Variants in LARS2 observed in about 807,000 individuals in gnomAD.
LARS2 encodes leucine--tRNA ligase, mitochondrial.
LARS2 carries 81 observed loss-of-function variants against 116.6 expected under a neutral mutation model. The observed-to-expected ratio is 0.69, with a 90% confidence interval of 0.58 to 0.84. The LOEUF (loss-of-function observed/expected upper bound fraction) is 0.84. LARS2 is among the 40% of genes least tolerant of loss of function. The pLI is 0.00. For synonymous variants in LARS2, 396 were observed against 407.2 expected (o/e 0.97, Z 0.33); for missense variants, 968 against 1,114.5 (o/e 0.87, Z 1.87).
intron 19 of LARS2, among the ~76,000 whole-genome samples, chr3:45,521,713 CCT>C (rs759675989): frequency 2.6e-4 from 39 of 152,082 alleles, no homozygotes; most frequent in South Asian, 6.3e-4. Context: ...AAAAAGTCTG[CCT>C]CTCTAATTAT....
chr3:45,500,108 T>TCTCCTG (rs1391519231), intron 14 of LARS2, among the ~76,000 whole-genome samples: 1 of 152,158 alleles, frequency 6.6e-6, no homozygotes, highest in Non-Finnish European at 1.5e-5. Context: ...TTCAAGTGGT[T>TCTCCTG]CTCCTGCCTC....
chr3:45,540,712 C>T (rs1230878235), intron 20 of LARS2, among the ~76,000 whole-genome samples: 1 of 152,118 alleles, frequency 6.6e-6, no homozygotes, highest in East Asian at 1.9e-4. Context: ...CTCTTATACT[C>T]ATGAAATCAA....
Position 45,547,758 on chromosome 3 carries a change from T to A in LARS2, c.*228T>A, listed in dbSNP as rs1029143001. The A allele has an allele frequency of 1.8e-5, 8 of 447,382 alleles. No individual in the cohort carries two copies. Among genetic ancestry groups the A allele is most frequent in the African/African-American group, 1.6e-4 (8 of 48,966 alleles). The allele number at this position is 447,382 out of a possible 1,614,324, so 27.7% of individuals were successfully genotyped here. Reference sequence around the variant, plus strand: ...GAAATATGAGCTACTGAGGAGGGGGTTGGACATCCTGCCCCTCACCCCCCA... The same window carrying A: ...GAAATATGAGCTACTGAGGAGGGGGATGGACATCCTGCCCCTCACCCCCCA... On this transcript the variant is annotated 3_prime_UTR_variant, in exon 22 of 22. Transcript: ENST00000645846.
At chr3:45,545,288 G>A (rs1189241403) in intron 21 of LARS2, among the ~76,000 whole-genome samples, 5 of 152,232 alleles carry the variant, frequency 3.3e-5, no homozygotes, top group African/African-American at 4.8e-5. Context: ...TGATGGATTC[G>A]AGTGGGAGGA....
chr3:45,515,119 C>A (rs141381030), intron 16 of LARS2, among the ~76,000 whole-genome samples: 88 of 152,254 alleles, frequency 5.8e-4, no homozygotes, highest in African/African-American at 2.0e-3. Flanking sequence ...CCACCCAAAC[C>A]CAGTTGCAGA....
chr3:45,472,068 T>C (rs142868162), intron 8 of LARS2, among the ~76,000 whole-genome samples: 1 of 152,324 alleles, frequency 6.6e-6, no homozygotes, highest in African/African-American at 2.4e-5. Context: ...CAAGGAGGAA[T>C]TGATTAGAAG....
intron 10 of LARS2, among the ~76,000 whole-genome samples, chr3:45,484,243 C>A (rs542769231): frequency 2.0e-4 from 31 of 151,922 alleles, no homozygotes; most frequent in African/African-American, 7.5e-4. Flanking sequence ...TACATGAAAT[C>A]TTAAAACATG....
At chr3:45,470,321 T>A (rs1699499440) in intron 8 of LARS2, among the ~76,000 whole-genome samples, 1 of 152,210 alleles carries the variant, frequency 6.6e-6, no homozygotes, top group Non-Finnish European at 1.5e-5. Flanking sequence ...CCCAGCTTTT[T>A]AGTTTTAATG....
Position 45,544,071 on chromosome 3 carries a change from T to G in LARS2, c.2532+2115T>G, listed in dbSNP as rs920142159. On this transcript the variant is annotated intron_variant, in intron 21 of 21. Transcript: ENST00000645846. ...CAGCACCGTGCCAGCAGCAAGGACT[T>G]CTGTGAAGGCCTGGGTTCTCGCTCC... 1.6e-3 allele frequency among the ~76,000 whole-genome samples: 251 copies of G among 152,322 alleles called. 2 individuals carry two copies. Among genetic ancestry groups the G allele is most frequent in the Non-Finnish European group, 3.4e-4 (23 of 68,014 alleles).
chr3:45,400,116 G>A, intron 3 of LARS2, 129 bp from the exon 4 acceptor site: 2 of 872,022 alleles, frequency 2.3e-6, no homozygotes, highest in South Asian at 4.1e-5. Flanking sequence ...TACATTCTGG[G>A]AACACTCTTT....
chr3:45,471,592 A>G (rs1699526376), intron 8 of LARS2, among the ~76,000 whole-genome samples: 1 of 152,222 alleles, frequency 6.6e-6, no homozygotes. Context: ...GAATGGACGT[A>G]AAGTGCTATC....
At chr3:45,465,641 C>A (rs1003687991) in intron 8 of LARS2, among the ~76,000 whole-genome samples, 1 of 152,224 alleles carries the variant, frequency 6.6e-6, no homozygotes, top group Non-Finnish European at 1.5e-5. Flanking sequence ...TGAGAGGGAA[C>A]TTCCTCCAGG....
At chr3:45,494,449 A>G (rs3774684) in intron 13 of LARS2, among the ~76,000 whole-genome samples, 78,242 of 152,098 alleles carry the variant, frequency 0.51, 24,048 homozygotes, top group East Asian at 0.78. Context: ...CTTCTCCCCA[A>G]ATTCTCCAAT....
intron 21 of LARS2, among the ~76,000 whole-genome samples, chr3:45,546,931 G>C (rs1201731972): frequency 6.6e-6 from 1 of 152,202 alleles, no homozygotes; most frequent in African/African-American, 2.4e-5. Flanking sequence ...TAAAATCTGA[G>C]GGGACAGCTC....
chr3:45,510,280 AGTGCGC>A lies in LARS2; in HGVS notation c.1761-2853_1761-2848del, dbSNP rs528312876. Among the ~76,000 whole-genome samples, 329 of 152,122 alleles carry A rather than the reference AGTGCGC, an allele frequency of 2.2e-3. 6 individuals carry two copies. Among genetic ancestry groups the A allele is most frequent in the Non-Finnish European group, 4.2e-3 (288 of 67,950 alleles). ...ATACAAAAAATTAGCTGGGTGTGGTAGTGCGCGCCTGTGGTCCCAGCTGCTTGCAGG... is the reference window on the plus strand; with the variant it reads ...ATACAAAAAATTAGCTGGGTGTGGTAGCCTGTGGTCCCAGCTGCTTGCAGG... On this transcript the variant is annotated intron_variant, in intron 15 of 21. Transcript: ENST00000645846.
chr3:45,500,360 A>C lies in LARS2; in HGVS notation c.1623-82A>C, dbSNP rs1227293987. ...CCTGATACGGTTCATTTCAGGGCAT[A>C]TGCATATTACAATAGGCCTGTTTAA... On this transcript the variant is annotated intron_variant, in intron 14 of 21. Transcript: ENST00000645846. 3 of 1,276,826 alleles carry C rather than the reference A, an allele frequency of 2.3e-6. No individual in the cohort carries two copies. In the East Asian group the frequency reaches 7.5e-5, roughly 32 times the overall value. 79.1% of individuals were successfully genotyped at this position (1,276,826 alleles called of 1,614,324 possible).
chr3:45,417,022 C>T (rs1051709039), intron 4 of LARS2, among the ~76,000 whole-genome samples: 17 of 148,428 alleles, frequency 1.1e-4, no homozygotes, highest in Middle Eastern at 3.5e-3. Context: ...TGCAGTAAGC[C>T]GAGATCACGC....
At chr3:45,461,928 A>G (rs1438587619) in intron 8 of LARS2, among the ~76,000 whole-genome samples, 3 of 152,200 alleles carry the variant, frequency 2.0e-5, no homozygotes, top group Non-Finnish European at 4.4e-5. Context: ...TACTATTTGG[A>G]TTATTTGGGA....
At chr3:45,534,662 A>G (rs116132987) in intron 20 of LARS2, among the ~76,000 whole-genome samples, 6 of 152,328 alleles carry the variant, frequency 3.9e-5, no homozygotes, top group South Asian at 2.1e-4. Context: ...ATTGAGATCT[A>G]TATCTTAAGG....
Sources: gnomAD v4.1 joint callset for allele counts (sites outside exome capture counted in the v4.1 genomes callset) on GRCh38, gnomAD v4.1.1 for gene constraint, MANE v1.5 for transcripts, NCBI Gene and HGNC (gene_info 2026-07-23, HGNC 2026-07-21) for gene names.